The following ADGRL4 variants were observed in gnomAD, a reference collection of about 807,000 sequenced individuals.
The protein encoded by ADGRL4 is adhesion G protein-coupled receptor L4, also known as EGF, latrophilin and seven transmembrane domain containing 1.
Under a neutral mutation model 74.8 loss-of-function variants are expected in ADGRL4, and 90 were observed. The observed-to-expected ratio is 1.20, with a 90% confidence interval of 1.02 to 1.43. ADGRL4 has a LOEUF of 1.43. Ranked by LOEUF, ADGRL4 falls within the 40% of genes most tolerant of loss-of-function variation. The probability of loss-of-function intolerance (pLI) is 0.00; values close to 1 mark genes in which losing one functional copy is unlikely to be tolerated. For missense variants in ADGRL4, 881 were observed against 814.3 expected, an observed-to-expected ratio of 1.08 and a Z score of -1.00; for synonymous variants, 311 against 279.2, an observed-to-expected ratio of 1.11 and a Z score of -1.14.
At chr1:78,974,236 G>A (rs1347652264) in intron 2 of ADGRL4, among the ~76,000 whole-genome samples, 1 of 152,120 alleles carries the variant, frequency 6.6e-6, no homozygotes, top group East Asian at 1.9e-4. Context: ...CTACAAAGAT[G>A]GGAGGAGAAG....
intron 2 of ADGRL4, among the ~76,000 whole-genome samples, chr1:79,000,568 G>A (rs1343250752): frequency 6.6e-6 from 1 of 152,270 alleles, no homozygotes; most frequent in Admixed American, 6.5e-5. Flanking sequence ...GATGGAATGT[G>A]TAATATTGTT....
At chr1:78,979,959 G>C (rs887267551) in intron 2 of ADGRL4, among the ~76,000 whole-genome samples, 3 of 151,842 alleles carry the variant, frequency 2.0e-5, no homozygotes, top group Non-Finnish European at 4.4e-5. Flanking sequence ...AATCACAGGT[G>C]CACCAAAATC....
chr1:78,907,685 T>C (rs971692546), intron 12 of ADGRL4, among the ~76,000 whole-genome samples: 1 of 151,822 alleles, frequency 6.6e-6, no homozygotes, highest in Non-Finnish European at 1.5e-5. Flanking sequence ...GAGTGGTAAC[T>C]AGATGGAGGT....
At chr1:78,978,118 A>C (rs1195037688) in intron 2 of ADGRL4, among the ~76,000 whole-genome samples, 1 of 151,896 alleles carries the variant, frequency 6.6e-6, no homozygotes, top group Admixed American at 6.6e-5. Flanking sequence ...CTGGCATCTA[A>C]TATAATAGGA....
At chr1:78,897,212 C>T (rs1321859153) in intron 12 of ADGRL4, among the ~76,000 whole-genome samples, 1 of 152,132 alleles carries the variant, frequency 6.6e-6, no homozygotes, top group Non-Finnish European at 1.5e-5. Flanking sequence ...CAAGCTTTAG[C>T]CAGGTTCCTG....
Position 78,931,856 on chromosome 1 carries a change from G to A in ADGRL4, c.877+4439C>T, listed in dbSNP as rs894946328. ...AAGAAGGGCATTATATAATGGTAAA[G>A]GGATCAAGTCAACCAGAAGAGCTAA... On this transcript the variant is annotated intron_variant, in intron 7 of 14. Coordinates refer to ENST00000370742, the MANE Select transcript of ADGRL4 (RefSeq NM_022159.4). 6.6e-5 allele frequency among the ~76,000 whole-genome samples: 10 copies of A among 151,378 alleles called. 1 individual carries two copies. Among genetic ancestry groups the A allele is most frequent in the African/African-American group, 2.2e-4 (9 of 40,728 alleles).
intron 12 of ADGRL4, among the ~76,000 whole-genome samples, chr1:78,907,475 T>A (rs1648666771): frequency 6.6e-6 from 1 of 151,996 alleles, no homozygotes. Context: ...TTCACAGAGC[T>A]TACAGTACTC....
At chr1:78,980,524 T>A (rs1267852635) in intron 2 of ADGRL4, among the ~76,000 whole-genome samples, 1 of 152,010 alleles carries the variant, frequency 6.6e-6, no homozygotes, top group Non-Finnish European at 1.5e-5. Flanking sequence ...GACTTTTACT[T>A]AATATTGTTA....
At chr1:78,924,472 T>A (rs552574426) in intron 8 of ADGRL4, among the ~76,000 whole-genome samples, 75 of 151,810 alleles carry the variant, frequency 4.9e-4, no homozygotes, top group Admixed American at 2.0e-4. Context: ...ATGCTGAATG[T>A]TATGTGAAAA....
At chr1:78,938,373 G>T (rs1042065968) in intron 4 of ADGRL4, 94 bp from the exon 5 acceptor site, 1 of 1,000,610 alleles carries the variant, frequency 1.0e-6, no homozygotes, top group Non-Finnish European at 1.4e-6. Flanking sequence ...CCCTGAGGTT[G>T]GTTTCCTTGG....
intron 2 of ADGRL4, among the ~76,000 whole-genome samples, chr1:78,947,585 A>G (rs1649629634): frequency 6.7e-6 from 1 of 150,014 alleles, no homozygotes. Flanking sequence ...TTAAGCCACT[A>G]ATTTGGTCAT....
At chr1:78,922,198 A>G (rs1055886967) in intron 8 of ADGRL4, among the ~76,000 whole-genome samples, 1 of 152,052 alleles carries the variant, frequency 6.6e-6, no homozygotes, top group African/African-American at 2.4e-5. Context: ...AAATTATTCA[A>G]TGAGAAAAGT....
chr1:79,005,081 G>A lies in ADGRL4; in HGVS notation c.161C>T (p.Thr54Ile). Residue 54 changes from threonine to isoleucine, a missense_variant, in exon 2 of 15, where the codon ACA becomes ATA. Coordinates refer to ENST00000370742, the MANE Select transcript of ADGRL4 (RefSeq NM_022159.4). ...CAAAGCTTGTTTACCTTCACAAATT[G>A]TGACACCATTTCCTGAAAATCCCAT... ...CNMGFSGNGV[T>I]ICEDDNECGN... is the part of the protein sequence containing the mutation. The A allele has an allele frequency of 6.2e-7, 1 of 1,611,932 alleles. No individual in the cohort carries two copies. Among genetic ancestry groups the A allele is most frequent in the Non-Finnish European group, 8.5e-7 (1 of 1,179,216 alleles).
chr1:78,991,271 G>T (rs1178133807), intron 2 of ADGRL4, among the ~76,000 whole-genome samples: 2 of 152,028 alleles, frequency 1.3e-5, no homozygotes, highest in Non-Finnish European at 2.9e-5. Context: ...AAGATGTGCA[G>T]TGCATGTGTC....
chr1:78,892,164 T>C (rs1332452248), intron 13 of ADGRL4, among the ~76,000 whole-genome samples: 1 of 152,148 alleles, frequency 6.6e-6, no homozygotes, highest in Non-Finnish European at 1.5e-5. Context: ...TGCTTTTCTT[T>C]CAGGTTGAGA....
At chr1:78,980,944 AAACT>A (rs1286839046) in intron 2 of ADGRL4, among the ~76,000 whole-genome samples, 1 of 152,008 alleles carries the variant, frequency 6.6e-6, no homozygotes, top group Non-Finnish European at 1.5e-5. Context: ...ATGAAGCCTG[AAACT>A]AACAGGTTAG....
chr1:78,898,720 T>A (rs1329693572), intron 12 of ADGRL4, among the ~76,000 whole-genome samples: 1 of 152,152 alleles, frequency 6.6e-6, no homozygotes, highest in Non-Finnish European at 1.5e-5. Flanking sequence ...AGCAATATTT[T>A]AAATTTAAAG....
chr1:79,006,597 C>T, intron 1 of ADGRL4, 36 bp downstream of exon 1: 1 of 1,533,470 alleles, frequency 6.5e-7, no homozygotes, highest in Non-Finnish European at 8.8e-7. Flanking sequence ...TTGGTCCCTC[C>T]GACGACCTCG....
At chr1:78,892,310 C>T (rs989433195) in intron 13 of ADGRL4, among the ~76,000 whole-genome samples, 3 of 152,098 alleles carry the variant, frequency 2.0e-5, no homozygotes, top group East Asian at 1.9e-4. Context: ...CACACACATA[C>T]GCACTCTTAC....
Sources: allele counts gnomAD v4.1 joint callset (sites outside exome capture counted in the v4.1 genomes callset), GRCh38; gene constraint gnomAD v4.1.1; transcripts MANE v1.5; gene names NCBI Gene and HGNC (gene_info 2026-07-23, HGNC 2026-07-21).